The following SETD1A variants were observed in gnomAD, a reference collection of about 807,000 sequenced individuals.
SETD1A encodes the protein histone-lysine N-methyltransferase SETD1A.
In SETD1A, 29 loss-of-function variants were observed where a neutral mutation model predicts 149.9. The ratio of observed to expected loss-of-function variants is 0.19; its 90% CI spans 0.14 to 0.26. The LOEUF is 0.26. SETD1A is among the 10% of genes least tolerant of loss of function. The pLI is 1.00. For missense variants in SETD1A, 2,109 were observed against 2,353.1 expected (o/e 0.90, Z 2.15); for synonymous variants, 1,141 against 968.5 (o/e 1.18, Z -3.31).
chr16:30,972,404 A>G (rs1285885150), intron 13 of SETD1A, among the ~76,000 whole-genome samples: 1 of 151,632 alleles, frequency 6.6e-6, no homozygotes, highest in Admixed American at 6.6e-5. Flanking sequence ...TGGGAGGCCA[A>G]GGCGGGTGGA....
In SETD1A at chr16:30,967,572, T is replaced by C; in HGVS notation, c.2754T>C (p.Ala918=). ...AGAGGCCTCGTCCCTCCACTCCTGC[T>C]GAGGAAGATGAAGACGGTGAGCAGG... The part of the protein sequence containing the change: ...EEKRPRPSTP[A]EEDEDDPEQE... The change falls in exon 10 of 19, where the codon GCT becomes GCC. Residue 918 remains alanine (A), a synonymous_variant. Transcript: ENST00000262519. 6.2e-7 allele frequency: 1 copy of C among 1,613,902 alleles called. No individual in the cohort carries two copies. Among genetic ancestry groups the C allele is most frequent in the Non-Finnish European group, 8.5e-7 (1 of 1,179,866 alleles).
chr16:30,973,897 G>C (rs1318245418), intron 13 of SETD1A, among the ~76,000 whole-genome samples: 1 of 152,156 alleles, frequency 6.6e-6, no homozygotes, highest in African/African-American at 2.4e-5. Context: ...CGGCAGGTCA[G>C]AAGGCATGGA....
In SETD1A at chr16:30,964,909, GGAGGAACCCCCTGGA is replaced by G. The variant is rs1296643155; in HGVS notation, c.1169_1183del (p.Glu390_Gly394del). On this transcript the variant is annotated inframe_deletion, in exon 7 of 19. Coordinates refer to ENST00000262519, the MANE Select transcript of SETD1A (RefSeq NM_014712.3). The stretch of plus-strand genomic sequence containing the variant: ...CCTACCCACCACGCCGGGCCACACG[GGAGGAACCCCCTGGA>G]GCCCCTTTTGCTGAAAATACAGCTG... 11 of 1,614,042 alleles carry G rather than the reference GGAGGAACCCCCTGGA, an allele frequency of 6.8e-6. No individual in the cohort carries two copies. The highest frequency in any genetic ancestry group is 6.8e-6 in the Non-Finnish European group (8 of 1,180,002).
chr16:30,979,887 A>G lies in SETD1A; in HGVS notation c.4101A>G (p.Glu1367=), dbSNP rs1166627596. 5.9e-6 allele frequency: 9 copies of G among 1,533,888 alleles called. No homozygotes were observed. Among genetic ancestry groups the G allele is most frequent in the Non-Finnish European group, 7.0e-6 (8 of 1,146,066 alleles). Reference sequence around the variant, plus strand: ...AGGAGGGCGAAGAGGAGGGGGAGGAAGAGGGGGAGGAAGAGGAGGAGGAGT... The same window carrying G: ...AGGAGGGCGAAGAGGAGGGGGAGGAGGAGGGGGAGGAAGAGGAGGAGGAGT... ...QREEGEEEGE[E]EGEEEEEESS... Residue 1367 remains glutamate, a synonymous_variant, in exon 14 of 19, where the codon GAA becomes GAG. Coordinates refer to ENST00000262519, the MANE Select transcript of SETD1A (RefSeq NM_014712.3).
intron 17 of SETD1A, among the ~76,000 whole-genome samples, chr16:30,981,695 G>A (rs1268075044): frequency 6.6e-6 from 1 of 152,226 alleles, no homozygotes; most frequent in Non-Finnish European, 1.5e-5. Flanking sequence ...CCCTTTCAAA[G>A]GGCCTGGGAA....
At chr16:30,982,226 C>T (rs1358142371) in intron 17 of SETD1A, among the ~76,000 whole-genome samples, 7 of 152,114 alleles carry the variant, frequency 4.6e-5, no homozygotes, top group East Asian at 3.9e-4. Context: ...CATGGCCAGG[C>T]GCGGTGGCTC....
At chr16:30,962,316 C>T (rs1459801816) in intron 4 of SETD1A, among the ~76,000 whole-genome samples, 3 of 152,170 alleles carry the variant, frequency 2.0e-5, no homozygotes, top group South Asian at 2.1e-4. Flanking sequence ...CTGCCTGCCT[C>T]GGCCTCCCAA....
intron 4 of SETD1A, among the ~76,000 whole-genome samples, chr16:30,963,186 A>G (rs1459842614): frequency 1.3e-5 from 2 of 152,228 alleles, no homozygotes; most frequent in Admixed American, 6.5e-5. Context: ...GTGATCCAAC[A>G]TGGTAAAATA....
At chr16:30,973,237 T>G (rs2056246169) in intron 13 of SETD1A, among the ~76,000 whole-genome samples, 1 of 152,074 alleles carries the variant, frequency 6.6e-6, no homozygotes, top group South Asian at 2.1e-4. Flanking sequence ...CATGGTCAGA[T>G]GTATGTTTCG....
intron 17 of SETD1A, among the ~76,000 whole-genome samples, chr16:30,982,662 TC>T (rs1311541225): frequency 2.8e-5 from 2 of 70,668 alleles, no homozygotes; most frequent in African/African-American, 6.2e-5. Context: ...AGAGGGTCCT[TC>T]CGCAGGAGAG....
At position 30,980,568 on chromosome 16, in the gene SETD1A, G is replaced by A. The variant is rs771328764; in HGVS notation, c.4492G>A (p.Gly1498Ser). 1.2e-6 allele frequency: 2 copies of A among 1,614,148 alleles called. No homozygotes were observed. The highest frequency in any genetic ancestry group is 2.2e-5 in the East Asian group (1 of 44,878). ...CCAGACAGGCTCAGCCCGCAGCGAA[G>A]GCTACTACCCCATCAGCAAGAAGGA... ...EHQTGSARSEGYYPISKKEKD... is the reference protein window; with the variant it reads ...EHQTGSARSESYYPISKKEKD... The change falls in exon 15 of 19, where the codon GGC (glycine) becomes AGC (serine). Residue 1498 changes from glycine (G) to serine (S), a missense_variant. Transcript: ENST00000262519. The surrounding 1 kb of genome is among the most constrained non-coding windows in gnomAD (Gnocchi z 7.7).
chr16:30,982,211 A>G (rs958851687), intron 17 of SETD1A, among the ~76,000 whole-genome samples: 1 of 152,136 alleles, frequency 6.6e-6, no homozygotes, highest in African/African-American at 2.4e-5. Context: ...ATTAGAAACC[A>G]GGGCCATGGC....
chr16:30,969,819 T>A (rs1446539551), intron 12 of SETD1A, 130 bp downstream of exon 12: 2 of 720,646 alleles, frequency 2.8e-6, no homozygotes, highest in Non-Finnish European at 4.9e-6. Flanking sequence ...CAAGGGCATC[T>A]GTTTGGGCCA....
chr16:30,964,821 G>A lies in SETD1A; in HGVS notation c.1079G>A (p.Arg360His), dbSNP rs1458165709. The change falls in exon 7 of 19, where the codon CGT becomes CAT. Residue 360 changes from arginine to histidine, a missense_variant. Physicochemically the swap from Arg to His is conservative, Grantham distance 29. This residue lies in a region of SETD1A where 410 missense variants were observed against 394.8 expected (regional missense o/e 1.04). Coordinates refer to ENST00000262519, the MANE Select transcript of SETD1A (RefSeq NM_014712.3). Reference protein sequence around the residue: ...SSSSSSSSQFRSSDANYPAYY... With the variant: ...SSSSSSSSQFHSSDANYPAYY... ...TCTTCCTCCTCGTCCTCTCAGTTTC[G>A]TAGTTCTGATGCAAACTACCCAGCG... 2 of 1,613,932 alleles carry A rather than the reference G, an allele frequency of 1.2e-6. No homozygotes were observed. Among genetic ancestry groups the A allele is most frequent in the Admixed American group, 1.7e-5 (1 of 59,990 alleles).
chr16:30,975,524 G>A (rs560628702), intron 13 of SETD1A, among the ~76,000 whole-genome samples: 6 of 145,406 alleles, frequency 4.1e-5, no homozygotes, highest in East Asian at 2.2e-4. Flanking sequence ...TCCGCTTCCC[G>A]GGTTCATGTG....
chr16:30,969,251 C>T, intron 10 of SETD1A, 54 bp from the exon 11 acceptor site: 2 of 1,561,370 alleles, frequency 1.3e-6, no homozygotes, highest in Non-Finnish European at 1.7e-6. Flanking sequence ...TTGCACAGGG[C>T]AAGTATCTTG....
chr16:30,966,929 G>A lies in SETD1A; in HGVS notation c.2551G>A (p.Glu851Lys). 6.4e-7 allele frequency: 1 copy of A among 1,574,354 alleles called. No homozygotes were observed. Among genetic ancestry groups the A allele is most frequent in the Non-Finnish European group, 8.6e-7 (1 of 1,160,236 alleles). Residue 851 changes from glutamate to lysine, a missense_variant, in exon 9 of 19, where the codon GAG (glutamate) becomes AAG (lysine). By Grantham distance (56) the Glu-to-Lys change is moderately conservative. Transcript: ENST00000262519. The stretch of plus-strand genomic sequence containing the variant: ...GCAGCAAGCCAAGGAGGAGGATAAA[G>A]AGAAGACGAAGCTGAAGGAGCCTGG... ...AKQQAKEEDKEKTKLKEPGLL... is the reference protein window; with the variant it reads ...AKQQAKEEDKKKTKLKEPGLL...
chr16:30,979,173 G>T lies in SETD1A; in HGVS notation c.3387G>T (p.Ala1129=). The T allele has an allele frequency of 6.3e-7, 1 of 1,581,126 alleles. No individual in the cohort carries two copies. Among genetic ancestry groups the T allele is most frequent in the Non-Finnish European group, 8.6e-7 (1 of 1,164,156 alleles). ...AGPTEESPPS[A]PLRPPEPPAG... Reference sequence around the variant, plus strand: ...CCACGGAGGAGTCACCCCCCAGTGCGCCTCTGCGTCCCCCAGAACCACCTG... The same window carrying T: ...CCACGGAGGAGTCACCCCCCAGTGCTCCTCTGCGTCCCCCAGAACCACCTG... Residue 1129 remains alanine (A), a synonymous_variant, in exon 14 of 19, where the codon GCG becomes GCT. Transcript: ENST00000262519.
At chr16:30,979,059 GCA>G (rs2056322151) in intron 13 of SETD1A, 84 bp from the exon 14 acceptor site, 1 of 1,352,844 alleles carries the variant, frequency 7.4e-7, no homozygotes, top group Non-Finnish European at 9.9e-7. Context: ...GTGGGGGAGA[GCA>G]CACAGCCTGT....
Sources: allele counts gnomAD v4.1 joint callset (sites outside exome capture counted in the v4.1 genomes callset), GRCh38; gene constraint gnomAD v4.1.1; regional missense constraint gnomAD v4.1.1; non-coding constraint Gnocchi (gnomAD v3.1); transcripts MANE v1.5; gene names NCBI Gene and HGNC (gene_info 2026-07-23, HGNC 2026-07-21).